KIFC1: variants seen among roughly 807,000 people sequenced by gnomAD.
The protein encoded by KIFC1 is kinesin-like protein KIFC1.
In KIFC1, 37 loss-of-function variants were observed where a neutral mutation model predicts 66.6. That is an observed-to-expected ratio of 0.56 (90% CI 0.43 to 0.73). The LOEUF is 0.73. Ranked by LOEUF, KIFC1 falls within the 30% of genes least tolerant of loss-of-function variation. KIFC1 has a pLI of 0.00. For synonymous variants in KIFC1, 325 were observed against 343.5 expected (o/e 0.95, Z 0.60); for missense variants, 721 against 859.8 (o/e 0.84, Z 2.02).
In KIFC1 at chr6:33,405,543, G is replaced by A; in HGVS notation, c.1448G>A (p.Gly483Asp). ...LATGTRKGQG[G>D]ECEIRRAGPG... is the part of the protein sequence containing the mutation. ...ACTGGAACCCGGAAGGGTCAAGGGG[G>A]CGAGTGTGAGATTCGCCGTGCAGGG... The change falls in exon 7 of 11, where the codon GGC becomes GAC. Residue 483 changes from glycine to aspartate, a missense_variant. Physicochemically the swap from Gly to Asp is moderately conservative, Grantham distance 94. Transcript: ENST00000428849. The surrounding 1 kb of genome is among the most constrained non-coding windows in gnomAD (Gnocchi z 5.4). 1.9e-6 allele frequency: 3 copies of A among 1,606,248 alleles called. No individual in the cohort carries two copies. Among genetic ancestry groups the A allele is most frequent in the Non-Finnish European group, 2.5e-6 (3 of 1,176,614 alleles).
Position 33,406,373 on chromosome 6 carries a change from CTT to C in KIFC1, c.1715_1716del (p.Leu572ArgfsTer21). On this transcript the variant is annotated frameshift_variant, in exon 8 of 11. Transcript: ENST00000428849. LOFTEE classifies it high-confidence loss of function. This position sits in a 1 kb window ranked among gnomAD's most constrained non-coding sequence, Gnocchi z 4.5. ...SLVDLAGSERLDPGLALGPGE... is the reference protein window; with the variant it reads ...SLVDLAGSERXDPGLALGPGE... The stretch of plus-strand genomic sequence containing the variant: ...TGTGGACCTGGCCGGGAGTGAGCGA[CTT>C]GACCCCGGCTTAGCCCTCGGCCCCG... 6.2e-7 allele frequency: 1 copy of C among 1,613,754 alleles called. No homozygotes were observed. The highest frequency in any genetic ancestry group is 8.5e-7 in the Non-Finnish European group (1 of 1,179,704).
At chr6:33,407,205 T>C in intron 10 of KIFC1, 1 of 545,600 alleles carries the variant, frequency 1.8e-6, no homozygotes, top group Non-Finnish European at 2.8e-6. Flanking sequence ...GCCCAGGAGT[T>C]TAAAATCAGT....
intron 10 of KIFC1, among the ~76,000 whole-genome samples, chr6:33,409,262 C>T (rs1429426350): frequency 6.6e-6 from 1 of 152,168 alleles, no homozygotes; most frequent in African/African-American, 2.4e-5. Flanking sequence ...TGTACATTTC[C>T]TTCCCCAGAC....
chr6:33,407,550 T>G (rs1333190912), intron 10 of KIFC1, among the ~76,000 whole-genome samples: 2 of 152,264 alleles, frequency 1.3e-5, no homozygotes, highest in East Asian at 3.8e-4. Flanking sequence ...TTGGATTGTT[T>G]CCACACTTTT....
At chr6:33,393,010 T>C (rs461887) in intron 1 of KIFC1, among the ~76,000 whole-genome samples, 45,826 of 151,846 alleles carry the variant, frequency 0.3, 8,373 homozygotes, top group South Asian at 0.38. Context: ...GTAAGTGCTG[T>C]GGAGAAAAGG....
At chr6:33,398,192 A>T (rs756119454) in intron 2 of KIFC1, 26 bp downstream of exon 2, 1 of 1,614,044 alleles carries the variant, frequency 6.2e-7, no homozygotes, top group African/African-American at 1.3e-5. Context: ...AGAGCTGTGC[A>T]TGTGTGTGGG....
chr6:33,409,524 T>G, intron 10 of KIFC1, 122 bp from the exon 11 acceptor site: 1 of 970,768 alleles, frequency 1.0e-6, no homozygotes, highest in Non-Finnish European at 1.7e-6. Flanking sequence ...TGAACCAGCC[T>G]TTGGAGGCCT....
intron 3 of KIFC1, among the ~76,000 whole-genome samples, chr6:33,399,848 T>C (rs1404766427): frequency 1.3e-5 from 2 of 152,242 alleles, no homozygotes; most frequent in Non-Finnish European, 2.9e-5. Context: ...CTGTAGACTT[T>C]AGAAACATGG....
rs1775397082 is a variant in KIFC1, at chr6:33,401,966, A to G, written c.251-1348A>G. On this transcript the variant is annotated intron_variant, in intron 3 of 10. Coordinates refer to ENST00000428849, the MANE Select transcript of KIFC1 (RefSeq NM_002263.4). This position sits in a 1 kb window ranked among gnomAD's most constrained non-coding sequence, Gnocchi z 4.5. ...TTGATCTGCCCACCTCGGCCTCCCA[A>G]AGTGCTGGGATTACAGGCGTGAGCC... Among the ~76,000 whole-genome samples, 1 of 152,150 alleles carries G rather than the reference A, an allele frequency of 6.6e-6. No homozygotes were observed. The highest frequency in any genetic ancestry group is 1.5e-5 in the Non-Finnish European group (1 of 68,018).
intron 1 of KIFC1, 34 bp from the exon 2 acceptor site, chr6:33,397,995 T>G (rs1229057075): frequency 1.2e-6 from 2 of 1,608,470 alleles, no homozygotes; most frequent in Non-Finnish European, 1.7e-6. Flanking sequence ...TTTGGGCTCC[T>G]GGGTATTGTC....
intron 1 of KIFC1, among the ~76,000 whole-genome samples, chr6:33,392,351 A>C (rs1025361438): frequency 6.6e-6 from 1 of 152,052 alleles, no homozygotes; most frequent in Non-Finnish European, 1.5e-5. Context: ...AAGAAGGGAG[A>C]GTTCTGATAT....
chr6:33,407,156 C>A, intron 10 of KIFC1: 1 of 1,068,978 alleles, frequency 9.4e-7, no homozygotes, highest in Non-Finnish European at 1.3e-6. Context: ...TGCCTATAAT[C>A]CGAACACTTC....
At chr6:33,409,603 G>A (rs201017824) in intron 10 of KIFC1, 43 bp from the exon 11 acceptor site, 314 of 1,592,062 alleles carry the variant, frequency 2.0e-4, no homozygotes, top group Non-Finnish European at 2.6e-4. Flanking sequence ...TGTTGTATTG[G>A]TTACGCTGCA....
chr6:33,409,617 T>C, intron 10 of KIFC1, 29 bp from the exon 11 acceptor site: 1 of 1,611,736 alleles, frequency 6.2e-7, no homozygotes, highest in Non-Finnish European at 8.5e-7. Context: ...CGCTGCAAAC[T>C]TTTATCCTGT....
rs752059822 is a variant in KIFC1, at chr6:33,409,703, A to ATCTC, written c.*16_*17insCTCT. The ATCTC allele has an allele frequency of 1.9e-3, 2,540 of 1,330,950 alleles. 43 individuals carry two copies. The highest frequency in any genetic ancestry group is 1.6e-3 in the Non-Finnish European group (1,555 of 987,580). The allele number at this position is 1,330,950 out of a possible 1,614,324, so 82.4% of individuals were successfully genotyped here. On this transcript the variant is annotated 3_prime_UTR_variant, in exon 11 of 11. Coordinates refer to ENST00000428849, the MANE Select transcript of KIFC1 (RefSeq NM_002263.4). ...CAACAGGAAGTGAAGACGGATCCAG[A>ATCTC]TCTGTGTGTGTGTGTGTGTGTGTGT...
In KIFC1 at chr6:33,405,313, C is replaced by T. The variant is rs1437419735; in HGVS notation, c.1218C>T (p.Ile406=). Residue 406 remains isoleucine, a synonymous_variant, in exon 7 of 11, where the codon ATC becomes ATT. Coordinates refer to ENST00000428849, the MANE Select transcript of KIFC1 (RefSeq NM_002263.4). This position sits in a 1 kb window ranked among gnomAD's most constrained non-coding sequence, Gnocchi z 5.4. ...QSALDGYPVC[I]FAYGQTGSGK... is the part of the protein sequence containing the mutation. ...CCCTGGATGGCTATCCAGTATGCAT[C>T]TTTGCCTATGGCCAGACAGGCAGTG... 5 of 1,614,170 alleles carry T rather than the reference C, an allele frequency of 3.1e-6. No individual in the cohort carries two copies. Among genetic ancestry groups the T allele is most frequent in the Non-Finnish European group, 4.2e-6 (5 of 1,180,034 alleles).
Position 33,401,749 on chromosome 6 carries a change from T to C in KIFC1, c.251-1565T>C, listed in dbSNP as rs997063425. ...CGGAGTCTCGCACTGTCGCCCAGGCTAGAGTGCAGTGGCATGATCTCGGCT... is the reference window on the plus strand; with the variant it reads ...CGGAGTCTCGCACTGTCGCCCAGGCCAGAGTGCAGTGGCATGATCTCGGCT... On this transcript the variant is annotated intron_variant, in intron 3 of 10. Coordinates refer to ENST00000428849, the MANE Select transcript of KIFC1 (RefSeq NM_002263.4). The surrounding 1 kb of genome is among the most constrained non-coding windows in gnomAD (Gnocchi z 4.5). Among the ~76,000 whole-genome samples, 11 of 151,090 alleles carry C rather than the reference T, an allele frequency of 7.3e-5. No individual in the cohort carries two copies. The highest frequency in any genetic ancestry group is 2.4e-4 in the African/African-American group (10 of 41,002).
rs1030575398 is a variant in KIFC1, at chr6:33,403,603, A to C, written c.355+68A>C. 2 of 1,587,978 alleles carry C rather than the reference A, an allele frequency of 1.3e-6. No individual in the cohort carries two copies. Among genetic ancestry groups the C allele is most frequent in the Non-Finnish European group, 1.7e-6 (2 of 1,156,534 alleles). ...GAAGAGAAGATGGTGAGTGACCAGAAAAATCCATTTGGTCTCTAAGGGGAA... is the reference window on the plus strand; with the variant it reads ...GAAGAGAAGATGGTGAGTGACCAGACAAATCCATTTGGTCTCTAAGGGGAA... On this transcript the variant is annotated intron_variant, in intron 5 of 10. Coordinates refer to ENST00000428849, the MANE Select transcript of KIFC1 (RefSeq NM_002263.4). This position sits in a 1 kb window ranked among gnomAD's most constrained non-coding sequence, Gnocchi z 4.6.
rs550594492 is a variant in KIFC1, at chr6:33,403,838, G to A, written c.465G>A (p.Glu155=). Reference sequence around the variant, plus strand: ...ATGCAGAACTAAAACGGTGCCGTGAGAGGACTCAAACGTTGGACCAAGAGA... The same window carrying A: ...ATGCAGAACTAAAACGGTGCCGTGAAAGGACTCAAACGTTGGACCAAGAGA... ...DLNAELKRCR[E]RTQTLDQENQ... Residue 155 remains glutamate, a synonymous_variant, in exon 6 of 11, where the codon GAG becomes GAA. Transcript: ENST00000428849. The surrounding 1 kb of genome is among the most constrained non-coding windows in gnomAD (Gnocchi z 4.6). The A allele has an allele frequency of 2.5e-6, 4 of 1,614,240 alleles. No homozygotes were observed. The South Asian group carries it at 4.4e-5, about 18-fold the overall frequency.
Sources: gnomAD v4.1 joint callset for allele counts (sites outside exome capture counted in the v4.1 genomes callset) on GRCh38, gnomAD v4.1.1 for gene constraint, Gnocchi (gnomAD v3.1) non-coding constraint, MANE v1.5 for transcripts, NCBI Gene and HGNC (gene_info 2026-07-23, HGNC 2026-07-21) for gene names.